VWA3B: variants seen among roughly 807,000 people sequenced by gnomAD.
VWA3B encodes the protein von Willebrand factor A domain-containing protein 3B.
VWA3B carries 138 observed loss-of-function variants against 158.3 expected under a neutral mutation model. The ratio of observed to expected loss-of-function variants is 0.87; its 90% CI spans 0.76 to 1.00. The LOEUF (loss-of-function observed/expected upper bound fraction) is 1.00. Among genes scored for constraint, VWA3B ranks in the 50% least tolerant of loss-of-function variants. The pLI, the probability that VWA3B is intolerant of heterozygous loss-of-function variation, is 0.00. For missense variants in VWA3B, 1,555 were observed against 1,565.1 expected (o/e 0.99, Z 0.11); for synonymous variants, 596 against 587.3 (o/e 1.01, Z -0.21).
At chr2:98,187,261 A>G (rs1681152302) in intron 9 of VWA3B, among the ~76,000 whole-genome samples, 1 of 151,906 alleles carries the variant, frequency 6.6e-6, no homozygotes, top group South Asian at 2.1e-4. Context: ...TTTGCTTATT[A>G]CTGGGCTCCC....
At chr2:98,294,555 T>C (rs1305614730) in intron 23 of VWA3B, among the ~76,000 whole-genome samples, 3 of 152,270 alleles carry the variant, frequency 2.0e-5, no homozygotes, top group Non-Finnish European at 2.9e-5. Flanking sequence ...TACAGAGCGA[T>C]AGCCTGGCTT....
At chr2:98,121,245 C>T in intron 4 of VWA3B, 54 bp from the exon 5 acceptor site, 1 of 1,563,658 alleles carries the variant, frequency 6.4e-7, no homozygotes, top group South Asian at 1.2e-5. Flanking sequence ...GGAGGTTTGG[C>T]ATCCCAGTAG....
At chr2:98,239,772 G>T (rs1022202514) in intron 19 of VWA3B, among the ~76,000 whole-genome samples, 4 of 151,454 alleles carry the variant, frequency 2.6e-5, no homozygotes, top group African/African-American at 9.8e-5. Flanking sequence ...AAATTAGCCA[G>T]GTGTGGTGGC....
intron 22 of VWA3B, among the ~76,000 whole-genome samples, chr2:98,285,112 AAG>A (rs932322980): frequency 6.6e-6 from 1 of 152,194 alleles, no homozygotes; most frequent in African/African-American, 2.4e-5. Context: ...TAAAATTGAC[AAG>A]AGTTTTCAAC....
chr2:98,180,076 CTTTCTTTCTCTCT>C (rs1680425330), intron 8 of VWA3B, among the ~76,000 whole-genome samples: 1 of 143,974 alleles, frequency 6.9e-6, no homozygotes, highest in African/African-American at 2.6e-5. Flanking sequence ...TTCTCTCTTT[CTTTCTTTCTCTCT>C]TTCTTTCTTT....
Position 98,224,657 on chromosome 2 carries a change from A to G in VWA3B, c.2020-3545A>G, listed in dbSNP as rs147453590. ...AAACAGAGGAATGAGAAAACAAACCATAAAATACTGGAAGTAAGTGCTAAC... is the reference window on the plus strand; with the variant it reads ...AAACAGAGGAATGAGAAAACAAACCGTAAAATACTGGAAGTAAGTGCTAAC... On this transcript the variant is annotated intron_variant, in intron 14 of 27. Coordinates refer to ENST00000477737, the MANE Select transcript of VWA3B (RefSeq NM_144992.5). Among the ~76,000 whole-genome samples the G allele has an allele frequency of 1.8e-4, 27 of 152,320 alleles. No individual in the cohort carries two copies. In the South Asian group the frequency reaches 2.5e-3, roughly 14 times the overall value.
chr2:98,226,406 C>T (rs1420472761), intron 14 of VWA3B, among the ~76,000 whole-genome samples: 1 of 152,204 alleles, frequency 6.6e-6, no homozygotes, highest in Non-Finnish European at 1.5e-5. Flanking sequence ...CCTCATACCT[C>T]ATGGACATCT....
chr2:98,179,822 C>CTT (rs1680369759), intron 8 of VWA3B, among the ~76,000 whole-genome samples: 4 of 104,242 alleles, frequency 3.8e-5, no homozygotes, highest in Non-Finnish European at 5.5e-5. Context: ...TTCTTTCTTT[C>CTT]TTTCTTTTTC....
In VWA3B at chr2:98,300,187, T is replaced by C. The variant is rs1449319338; in HGVS notation, c.3391T>C (p.Tyr1131His). The stretch of plus-strand genomic sequence containing the variant: ...TAAGCATGTGGCCACAGAAAAATTC[T>C]ACACAGTTTTGAAGTGTAACAACCG... The part of the protein sequence containing the change: ...PNKHVATEKF[Y>H]TVLKCNNRRE... Residue 1131 changes from tyrosine to histidine, a missense_variant, in exon 25 of 28, where the codon TAC becomes CAC. Coordinates refer to ENST00000477737, the MANE Select transcript of VWA3B (RefSeq NM_144992.5). 4 of 1,614,148 alleles carry C rather than the reference T, an allele frequency of 2.5e-6. No individual in the cohort carries two copies. Among genetic ancestry groups the C allele is most frequent in the Admixed American group, 1.7e-5 (1 of 60,012 alleles).
At chr2:98,303,889 A>G in intron 26 of VWA3B, 87 bp downstream of exon 26, 1 of 1,276,908 alleles carries the variant, frequency 7.8e-7, no homozygotes, top group Middle Eastern at 2.0e-4. Flanking sequence ...CATGACCTCT[A>G]AATACTAGGG....
At chr2:98,185,528 C>A (rs1295413085) in intron 9 of VWA3B, among the ~76,000 whole-genome samples, 1 of 152,244 alleles carries the variant, frequency 6.6e-6, no homozygotes, top group African/African-American at 2.4e-5. Context: ...GCAGTCCACT[C>A]AGCCCCTCAC....
At chr2:98,103,202 T>C (rs1433969072) in intron 2 of VWA3B, among the ~76,000 whole-genome samples, 1 of 152,202 alleles carries the variant, frequency 6.6e-6, no homozygotes, top group African/African-American at 2.4e-5. Flanking sequence ...TGCTAAGTCT[T>C]GTTAGCAGTA....
At chr2:98,135,331 T>C (rs60327655) in intron 7 of VWA3B, among the ~76,000 whole-genome samples, 2,761 of 76,822 alleles carry the variant, frequency 0.036, 68 homozygotes, top group Non-Finnish European at 0.041. Context: ...TTTTCTTTTT[T>C]TTTTTTTTTT....
Position 98,183,798 on chromosome 2 carries a change from T to C in VWA3B, c.1311+2586T>C, listed in dbSNP as rs1295498170. Among the ~76,000 whole-genome samples, 3 of 152,364 alleles carry C rather than the reference T, an allele frequency of 2.0e-5. No homozygotes were observed. The East Asian group carries it at 5.8e-4, about 29-fold the overall frequency. ...TGATGATGAGATGTTGAACAAATCA[T>C]GTGACTTCTTTGAGCTTCACCCTTC... On this transcript the variant is annotated intron_variant, in intron 9 of 27. Transcript: ENST00000477737.
At chr2:98,303,187 G>A (rs748448487) in intron 25 of VWA3B, among the ~76,000 whole-genome samples, 3 of 152,024 alleles carry the variant, frequency 2.0e-5, no homozygotes, top group Admixed American at 6.5e-5. Flanking sequence ...AGGGGAAGCC[G>A]CAGACCCCAG....
rs372567915 is a variant in VWA3B, at chr2:98,270,725, G to C, written c.2887G>C (p.Val963Leu). 2.3e-5 allele frequency: 37 copies of C among 1,613,998 alleles called. No individual in the cohort carries two copies. The highest frequency in any genetic ancestry group is 3.1e-5 in the Non-Finnish European group (37 of 1,179,998). Reference sequence around the variant, plus strand: ...AATACAGTACTTGGAAAACAAAACAGTTTTAAACCAGGCTTTAGAACGGTT... The same window carrying C: ...AATACAGTACTTGGAAAACAAAACACTTTTAAACCAGGCTTTAGAACGGTT... ...KPIQYLENKTVLNQALERLNW... is the reference protein window; with the variant it reads ...KPIQYLENKTLLNQALERLNW... The change falls in exon 22 of 28, where the codon GTT (valine) becomes CTT (leucine). Residue 963 changes from valine (V) to leucine (L), a missense_variant. Physicochemically the swap from Val to Leu is conservative, Grantham distance 32 (BLOSUM62 1). Coordinates refer to ENST00000477737, the MANE Select transcript of VWA3B (RefSeq NM_144992.5).
chr2:98,163,597 T>C lies in VWA3B; in HGVS notation c.1114+621T>C, dbSNP rs139318094. On this transcript the variant is annotated intron_variant, in intron 8 of 27. Transcript: ENST00000477737. ...AACAGATTCTTGACAAACTCTTGTA[T>C]ACTAAGGAAAACCAGACCTCTGTAT... Among the ~76,000 whole-genome samples the C allele has an allele frequency of 3.3e-3, 500 of 152,252 alleles. 4 individuals carry two copies. Among genetic ancestry groups the C allele is most frequent in the African/African-American group, 0.011 (464 of 41,534 alleles).
intron 8 of VWA3B, among the ~76,000 whole-genome samples, chr2:98,175,809 T>C (rs1679966430): frequency 6.6e-6 from 1 of 152,228 alleles, no homozygotes; most frequent in Non-Finnish European, 1.5e-5. Flanking sequence ...AGAGAACATT[T>C]ACCTGATCTC....
chr2:98,175,442 A>G (rs1404535297), intron 8 of VWA3B, among the ~76,000 whole-genome samples: 1 of 152,258 alleles, frequency 6.6e-6, no homozygotes, highest in African/African-American at 2.4e-5. Context: ...TGAGGAACTG[A>G]CTAGAGGGGT....
Sources: allele counts gnomAD v4.1 joint callset (sites outside exome capture counted in the v4.1 genomes callset), GRCh38; gene constraint gnomAD v4.1.1; transcripts MANE v1.5; gene names NCBI Gene and HGNC (gene_info 2026-07-23, HGNC 2026-07-21).